The following DNAH7 variants were observed in gnomAD, a reference collection of about 807,000 sequenced individuals.
The protein encoded by DNAH7 is dynein axonemal heavy chain 7.
DNAH7 carries 397 observed loss-of-function variants against 444.6 expected under a neutral mutation model. That is an observed-to-expected ratio of 0.89 (90% CI 0.82 to 0.97). The LOEUF (loss-of-function observed/expected upper bound fraction) is 0.97, where lower values mean the gene tolerates loss of function less well. Among genes scored for constraint, DNAH7 ranks in the 50% least tolerant of loss-of-function variants. The probability of loss-of-function intolerance (pLI) is 0.00; values close to 1 mark genes in which losing one functional copy is unlikely to be tolerated. For missense variants in DNAH7, 4,902 were observed against 4,800.8 expected, an observed-to-expected ratio of 1.02 and a Z score of -0.62; for synonymous variants, 1,636 against 1,624.4, an observed-to-expected ratio of 1.01 and a Z score of -0.17.
In DNAH7 at chr2:195,817,805, T is replaced by C. The variant is rs1170158539; in HGVS notation, c.9316A>G (p.Thr3106Ala). The C allele has an allele frequency of 6.2e-7, 1 of 1,601,260 alleles. No individual in the cohort carries two copies. Among genetic ancestry groups the C allele is most frequent in the Admixed American group, 1.7e-5 (1 of 57,188 alleles). ...AGCTGATCTTGCATTCCCTCAGGGGTTATCATGAAGTTTAATAATGTTACC... is the reference window on the plus strand; with the variant it reads ...AGCTGATCTTGCATTCCCTCAGGGGCTATCATGAAGTTTAATAATGTTACC... ...VKVTLLNFMI[T>A]PEGMQDQLLG... Residue 3106 changes from threonine (T) to alanine (A), a missense_variant, in exon 50 of 65, where the codon ACC becomes GCC. Transcript: ENST00000312428.
chr2:196,060,377 T>C (rs997416192), intron 1 of DNAH7, among the ~76,000 whole-genome samples: 1 of 152,252 alleles, frequency 6.6e-6, no homozygotes, highest in African/African-American at 2.4e-5. Flanking sequence ...TCAATGTATA[T>C]GTCCTCCATT....
intron 12 of DNAH7, among the ~76,000 whole-genome samples, chr2:195,990,316 T>C (rs1318693435): frequency 6.6e-6 from 1 of 152,168 alleles, no homozygotes; most frequent in African/African-American, 2.4e-5. Flanking sequence ...TCTGGCACCA[T>C]TTATTAAAGA....
At chr2:195,771,160 AT>A (rs1363885711) in intron 61 of DNAH7, among the ~76,000 whole-genome samples, 1 of 151,930 alleles carries the variant, frequency 6.6e-6, no homozygotes, top group Admixed American at 6.6e-5. Context: ...CTCTAAAAAA[AT>A]AAAAATAAAA....
intron 49 of DNAH7, among the ~76,000 whole-genome samples, chr2:195,818,521 T>TA (rs1279512365): frequency 3.3e-5 from 5 of 152,160 alleles, no homozygotes; most frequent in Admixed American, 1.3e-4. Flanking sequence ...ACTCTTTTTT[T>TA]AAAAAAAGCA....
intron 24 of DNAH7, among the ~76,000 whole-genome samples, chr2:195,910,686 A>G (rs962016468): frequency 5.9e-5 from 9 of 152,190 alleles, no homozygotes; most frequent in African/African-American, 1.7e-4. Flanking sequence ...AACAGAAAAT[A>G]AACCCTCAGA....
In DNAH7 at chr2:195,861,796, G is replaced by C. The variant is rs555618371; in HGVS notation, c.7657C>G (p.Gln2553Glu). ...DLSKSFFVEL[Q>E]RYNYVTPTSY... ...GTAGGAGTCACATAATTGTATCTTTGAAGTTCAACAAAGAAAGATTTGGAT... is the reference window on the plus strand; with the variant it reads ...GTAGGAGTCACATAATTGTATCTTTCAAGTTCAACAAAGAAAGATTTGGAT... Residue 2553 changes from glutamine (Q) to glutamate (E), a missense_variant, in exon 42 of 65, where the codon CAA becomes GAA. Coordinates refer to ENST00000312428, the MANE Select transcript of DNAH7 (RefSeq NM_018897.3). The C allele has an allele frequency of 1.2e-6, 2 of 1,613,632 alleles. No homozygotes were observed. Among genetic ancestry groups the C allele is most frequent in the East Asian group, 2.2e-5 (1 of 44,874 alleles).
chr2:195,772,291 C>T (rs1168406503), intron 60 of DNAH7, among the ~76,000 whole-genome samples: 1 of 152,172 alleles, frequency 6.6e-6, no homozygotes, highest in Non-Finnish European at 1.5e-5. Flanking sequence ...TTTGAGAAAG[C>T]ATGCCACAAA....
chr2:195,975,211 A>G (rs1186086053), intron 15 of DNAH7, among the ~76,000 whole-genome samples: 2 of 152,276 alleles, frequency 1.3e-5, no homozygotes, highest in East Asian at 3.9e-4. Flanking sequence ...AGAGGGTAGG[A>G]AAGATAGTCT....
At chr2:195,910,838 CAAAG>C (rs1437508657) in intron 24 of DNAH7, among the ~76,000 whole-genome samples, 3 of 152,046 alleles carry the variant, frequency 2.0e-5, no homozygotes, top group Non-Finnish European at 4.4e-5. Flanking sequence ...ATGGAAGAGA[CAAAG>C]AAGCCTATCC....
At chr2:195,944,814 T>C (rs557778698) in intron 19 of DNAH7, among the ~76,000 whole-genome samples, 30 of 152,174 alleles carry the variant, frequency 2.0e-4, no homozygotes, top group African/African-American at 7.0e-4. Context: ...GAGCAGAGAA[T>C]TTAAAACTGC....
At chr2:195,948,618 T>A (rs1340614008) in intron 19 of DNAH7, among the ~76,000 whole-genome samples, 1 of 152,226 alleles carries the variant, frequency 6.6e-6, no homozygotes, top group East Asian at 1.9e-4. Context: ...GTGGTGTGAT[T>A]TCTGAGGTCT....
At chr2:196,042,957 A>G (rs2125834508) in intron 5 of DNAH7, among the ~76,000 whole-genome samples, 1 of 152,254 alleles carries the variant, frequency 6.6e-6, no homozygotes, top group East Asian at 1.9e-4. Flanking sequence ...CCATGAATAA[A>G]CCTCAGAAAT....
At chr2:195,797,323 C>T (rs1414366704) in intron 55 of DNAH7, among the ~76,000 whole-genome samples, 1 of 152,158 alleles carries the variant, frequency 6.6e-6, no homozygotes, top group Non-Finnish European at 1.5e-5. Context: ...CACTAGACTG[C>T]CCCTTTAGAA....
Position 195,972,389 on chromosome 2 carries a change from G to A in DNAH7, c.1911C>T (p.Ala637=), listed in dbSNP as rs1222695591. The part of the protein sequence containing the change: ...QRLVDSKNCL[A]FLIEYVNFSP... ...AAAAGTTGACATACTCGATGAGGAA[G>A]GCGAGGCAGTTTTTGGAATCCACTA... Residue 637 remains alanine, a synonymous_variant, in exon 16 of 65, where the codon GCC becomes GCT. Transcript: ENST00000312428. The A allele has an allele frequency of 1.9e-6, 3 of 1,613,966 alleles. No homozygotes were observed. Among genetic ancestry groups the A allele is most frequent in the African/African-American group, 2.7e-5 (2 of 74,906 alleles).
intron 2 of DNAH7, among the ~76,000 whole-genome samples, chr2:196,057,608 A>G (rs1422099424): frequency 6.6e-6 from 1 of 152,212 alleles, no homozygotes; most frequent in East Asian, 1.9e-4. Context: ...TTTTCATCCA[A>G]GTTTTTTTAT....
At chr2:195,976,673 G>A (rs1692202623) in intron 15 of DNAH7, among the ~76,000 whole-genome samples, 1 of 150,956 alleles carries the variant, frequency 6.6e-6, no homozygotes. Context: ...AGTGGTGATG[G>A]TCACAAGGGT....
intron 48 of DNAH7, among the ~76,000 whole-genome samples, chr2:195,829,135 T>TTTTGC (rs1334734708): frequency 1.3e-5 from 2 of 152,152 alleles, no homozygotes; most frequent in African/African-American, 4.8e-5. Context: ...TGTTGTTTTG[T>TTTTGC]TTTGCTTTGC....
At chr2:195,938,373 C>A (rs1689196156) in intron 19 of DNAH7, among the ~76,000 whole-genome samples, 1 of 151,670 alleles carries the variant, frequency 6.6e-6, no homozygotes, top group Non-Finnish European at 1.5e-5. Flanking sequence ...CACACACACA[C>A]ACACACACAA....
chr2:196,019,498 G>A (rs1695241348), intron 8 of DNAH7, among the ~76,000 whole-genome samples: 1 of 151,972 alleles, frequency 6.6e-6, no homozygotes, highest in Non-Finnish European at 1.5e-5. Context: ...AAATGACTCT[G>A]AAATTAGATT....
Sources: allele counts gnomAD v4.1 joint callset (sites outside exome capture counted in the v4.1 genomes callset), GRCh38; gene constraint gnomAD v4.1.1; transcripts MANE v1.5; gene names NCBI Gene and HGNC (gene_info 2026-07-23, HGNC 2026-07-21).